EPHB1: variants seen among roughly 807,000 people sequenced by gnomAD.
The protein encoded by EPHB1 is ephrin type-B receptor 1.
Under a neutral mutation model 94.4 loss-of-function variants are expected in EPHB1, and 30 were observed. The observed-to-expected ratio is 0.32, with a 90% CI of 0.24 to 0.43. The LOEUF (loss-of-function observed/expected upper bound fraction) is 0.43. EPHB1 is among the 20% of genes least tolerant of loss of function. The probability of loss-of-function intolerance (pLI) is 1.00; values close to 1 mark genes in which losing one functional copy is unlikely to be tolerated. For missense variants in EPHB1, 1,055 were observed against 1,308.3 expected (o/e 0.81, Z 2.99); for synonymous variants, 522 against 489.1 (o/e 1.07, Z -0.89).
intron 3 of EPHB1, among the ~76,000 whole-genome samples, chr3:135,037,033 A>T (rs1239085939): frequency 6.6e-6 from 1 of 152,108 alleles, no homozygotes; most frequent in African/African-American, 2.4e-5. Flanking sequence ...GTTGTTCTTT[A>T]ATCAGGCATT....
intron 4 of EPHB1, among the ~76,000 whole-genome samples, chr3:135,126,515 GA>G (rs1268712946): frequency 6.6e-6 from 1 of 152,182 alleles, no homozygotes; most frequent in Non-Finnish European, 1.5e-5. Context: ...GGTACAGACA[GA>G]AGTCACAAGC....
intron 15 of EPHB1, among the ~76,000 whole-genome samples, chr3:135,258,779 A>G (rs369408347): frequency 6.6e-6 from 1 of 152,364 alleles, no homozygotes; most frequent in East Asian, 1.9e-4. Context: ...CACCCCTGGA[A>G]CAAGGCACAG....
chr3:134,979,009 G>A (rs1021296331), intron 3 of EPHB1, among the ~76,000 whole-genome samples: 3 of 152,168 alleles, frequency 2.0e-5, no homozygotes, highest in Non-Finnish European at 4.4e-5. Flanking sequence ...CTTGGGGTCT[G>A]GCATCCCAAA....
intron 3 of EPHB1, among the ~76,000 whole-genome samples, chr3:134,981,021 C>G (rs1489508103): frequency 6.6e-6 from 1 of 152,184 alleles, no homozygotes; most frequent in Non-Finnish European, 1.5e-5. Flanking sequence ...GGGATATAAG[C>G]ACAGGGCAAG....
At chr3:135,179,055 AT>A (rs1416777690) in intron 9 of EPHB1, among the ~76,000 whole-genome samples, 4 of 151,470 alleles carry the variant, frequency 2.6e-5, no homozygotes, top group Non-Finnish European at 4.4e-5. Flanking sequence ...TTTTGAATGT[AT>A]TTTTTCTGCA....
At chr3:135,177,219 G>T (rs1942005388) in intron 9 of EPHB1, among the ~76,000 whole-genome samples, 1 of 152,184 alleles carries the variant, frequency 6.6e-6, no homozygotes, top group Non-Finnish European at 1.5e-5. Context: ...CTAGTAAAAG[G>T]TTTGGGGGCC....
intron 5 of EPHB1, among the ~76,000 whole-genome samples, chr3:135,142,866 G>T (rs141764453): frequency 2.2e-4 from 34 of 152,276 alleles, no homozygotes; most frequent in Middle Eastern, 3.4e-3. Context: ...GTGGGAGGGA[G>T]CATATGGTGG....
intron 9 of EPHB1, among the ~76,000 whole-genome samples, chr3:135,172,266 G>C (rs766214591): frequency 6.6e-6 from 1 of 152,196 alleles, no homozygotes; most frequent in Admixed American, 6.5e-5. Flanking sequence ...TGCCATTATG[G>C]CAAAAGAAAG....
intron 4 of EPHB1, among the ~76,000 whole-genome samples, chr3:135,120,620 A>G (rs559148724): frequency 6.6e-6 from 1 of 152,318 alleles, no homozygotes; most frequent in East Asian, 1.9e-4. Flanking sequence ...CACCCTGGAA[A>G]GTATACTTAC....
In EPHB1 at chr3:135,248,343, C is replaced by A. The variant is rs1413764036; in HGVS notation, c.2524C>A (p.Arg842=). The change falls in exon 14 of 16, where the codon CGG becomes AGG. Residue 842 remains arginine (R), a synonymous_variant. Coordinates refer to ENST00000398015, the MANE Select transcript of EPHB1 (RefSeq NM_004441.5). ...DVINAIEQDY[R]LPPPMDCPAA... is the part of the protein sequence containing the mutation. Reference sequence around the variant, plus strand: ...CATCAATGCCATCGAGCAGGACTACCGGCTGCCCCCACCCATGGACTGTCC... The same window carrying A: ...CATCAATGCCATCGAGCAGGACTACAGGCTGCCCCCACCCATGGACTGTCC... 3.8e-6 allele frequency: 6 copies of A among 1,597,256 alleles called. No homozygotes were observed. Among genetic ancestry groups the A allele is most frequent in the South Asian group, 1.1e-5 (1 of 89,972 alleles).
At chr3:134,984,915 T>C (rs939292684) in intron 3 of EPHB1, among the ~76,000 whole-genome samples, 1 of 152,116 alleles carries the variant, frequency 6.6e-6, no homozygotes, top group African/African-American at 2.4e-5. Context: ...AGAGTAGTTA[T>C]GTCACAGTCC....
chr3:135,254,867 G>A (rs1264916821), intron 15 of EPHB1, among the ~76,000 whole-genome samples: 1 of 152,238 alleles, frequency 6.6e-6, no homozygotes, highest in South Asian at 2.1e-4. Context: ...TGGTTGGTAA[G>A]CTATTGATTA....
intron 3 of EPHB1, among the ~76,000 whole-genome samples, chr3:135,071,078 C>T (rs1226600226): frequency 1.3e-5 from 2 of 152,160 alleles, no homozygotes; most frequent in Non-Finnish European, 2.9e-5. Context: ...AATACTGTCC[C>T]CCTCAAGGAC....
intron 1 of EPHB1, among the ~76,000 whole-genome samples, chr3:134,817,726 G>C (rs968422590): frequency 6.6e-6 from 1 of 152,208 alleles, no homozygotes; most frequent in Non-Finnish European, 1.5e-5. Flanking sequence ...CCCATGTATG[G>C]GAAATGCTTT....
chr3:135,033,537 T>G (rs989885611), intron 3 of EPHB1, among the ~76,000 whole-genome samples: 1 of 152,106 alleles, frequency 6.6e-6, no homozygotes, highest in African/African-American at 2.4e-5. Flanking sequence ...TACACATGCA[T>G]TTGGAGGGTC....
chr3:134,857,886 T>A (rs2108302475), intron 1 of EPHB1, among the ~76,000 whole-genome samples: 1 of 152,308 alleles, frequency 6.6e-6, no homozygotes, highest in South Asian at 2.1e-4. Flanking sequence ...GGATAAGTAC[T>A]AATTTCATTC....
At chr3:134,888,576 C>T (rs148446152) in intron 1 of EPHB1, among the ~76,000 whole-genome samples, 56 of 152,030 alleles carry the variant, frequency 3.7e-4, no homozygotes, top group Non-Finnish European at 1.3e-4. Flanking sequence ...GGTGTGGTGG[C>T]ATGTGCCTGT....
At chr3:134,837,056 C>T (rs2036684883) in intron 1 of EPHB1, among the ~76,000 whole-genome samples, 1 of 152,208 alleles carries the variant, frequency 6.6e-6, no homozygotes, top group Non-Finnish European at 1.5e-5. Context: ...TCAGCTTTGA[C>T]ACATGGAGTT....
intron 4 of EPHB1, among the ~76,000 whole-genome samples, chr3:135,112,546 C>G (rs559792743): frequency 1.8e-5 from 2 of 111,336 alleles, no homozygotes; most frequent in East Asian, 3.6e-4. Flanking sequence ...CCCCTCCCCC[C>G]ACCCCACAAC....
Sources: gnomAD v4.1 joint callset for allele counts (sites outside exome capture counted in the v4.1 genomes callset) on GRCh38, gnomAD v4.1.1 for gene constraint, MANE v1.5 for transcripts, NCBI Gene and HGNC (gene_info 2026-07-23, HGNC 2026-07-21) for gene names.